The following SLC13A4 variants were observed in gnomAD, a reference collection of about 807,000 sequenced individuals.
The protein encoded by SLC13A4 is solute carrier family 13 member 4, also known as Na(+)/sulfate cotransporter SUT-1.
A neutral mutation model predicts 72.7 loss-of-function variants in SLC13A4; 28 were observed. The ratio of observed to expected loss-of-function variants is 0.39; its 90% CI spans 0.29 to 0.53. The LOEUF is 0.53. Ranked by LOEUF, SLC13A4 falls within the 20% of genes least tolerant of loss-of-function variation. The probability of loss-of-function intolerance (pLI) is 0.78; values close to 1 mark genes in which losing one functional copy is unlikely to be tolerated. For synonymous variants in SLC13A4, 312 were observed against 325.5 expected (o/e 0.96, Z 0.45); for missense variants, 653 against 788.0 (o/e 0.83, Z 2.05).
Position 135,685,586 on chromosome 7 carries a change from A to T in SLC13A4, c.1544T>A (p.Ile515Asn). The T allele has an allele frequency of 6.2e-7, 1 of 1,614,220 alleles. No homozygotes were observed. The highest frequency in any genetic ancestry group is 8.5e-7 in the Non-Finnish European group (1 of 1,180,020). The change falls in exon 14 of 16, where the codon ATT becomes AAT. Residue 515 changes from isoleucine to asparagine, a missense_variant. Coordinates refer to ENST00000682651, the MANE Select transcript of SLC13A4 (RefSeq NM_001318192.2). ...TGGGTTGCTCACAAACTCAGTGACA[A>T]TGGACACGAGGATGCATGCCAGCAG... Reference protein sequence around the residue: ...VTLLACILVSIVTEFVSNPAT... With the variant: ...VTLLACILVSNVTEFVSNPAT...
Position 135,684,147 on chromosome 7 carries a change from C to A in SLC13A4, c.1723G>T (p.Gly575Trp). 1 of 1,611,344 alleles carries A rather than the reference C, an allele frequency of 6.2e-7. No individual in the cohort carries two copies. The highest frequency in any genetic ancestry group is 1.1e-5 in the South Asian group (1 of 90,546). ...ACCATATCTTTGATCTGGCAGTGCCCATAGCTGAAGACGATGGCATTAGGG... is the reference window on the plus strand; with the variant it reads ...ACCATATCTTTGATCTGGCAGTGCCAATAGCTGAAGACGATGGCATTAGGG... ...NPPNAIVFSY[G>W]HCQIKDMVKA... Residue 575 changes from glycine (G) to tryptophan (W), a missense_variant, in exon 15 of 16, where the codon GGG becomes TGG. Physicochemically the swap from Gly to Trp is radical, Grantham distance 184. Transcript: ENST00000682651.
At chr7:135,705,283 G>T (rs1382821659) in intron 5 of SLC13A4, 2 of 305,900 alleles carry the variant, frequency 6.5e-6, no homozygotes, top group African/African-American at 4.2e-5. Context: ...AAAGGGACAT[G>T]AATTTAGAAG....
Position 135,726,048 on chromosome 7 carries a change from G to A in SLC13A4, c.99+1350C>T, listed in dbSNP as rs551441082. ...GGCACCTAGTCTGTGCCTTCTGTGG[G>A]CAGTGGCCAAGGTCCCCAAAGATGG... On this transcript the variant is annotated intron_variant, in intron 1 of 15. Coordinates refer to ENST00000682651, the MANE Select transcript of SLC13A4 (RefSeq NM_001318192.2). Among the ~76,000 whole-genome samples, 17 of 152,282 alleles carry A rather than the reference G, an allele frequency of 1.1e-4. No homozygotes were observed. In the South Asian group the frequency reaches 3.5e-3, roughly 32 times the overall value.
At position 135,695,503 on chromosome 7, in the gene SLC13A4, C is replaced by G; in HGVS notation, c.900-16G>C. 1 of 1,612,260 alleles carries G rather than the reference C, an allele frequency of 6.2e-7. No homozygotes were observed. The highest frequency in any genetic ancestry group is 8.5e-7 in the Non-Finnish European group (1 of 1,179,036). ...TGGATACTGGCTGGAGGGTAAAGAACCAGGTCAGCAATTAGAAAGGGAGGG... is the reference window on the plus strand; with the variant it reads ...TGGATACTGGCTGGAGGGTAAAGAAGCAGGTCAGCAATTAGAAAGGGAGGG... On this transcript the variant is annotated splice_polypyrimidine_tract_variant and intron_variant, in intron 8 of 15. Transcript: ENST00000682651.
At chr7:135,703,857 G>C (rs913840100) in intron 5 of SLC13A4, 2 of 152,306 alleles carry the variant, frequency 1.3e-5, no homozygotes, top group Non-Finnish European at 2.9e-5. Context: ...TAGCCTGGGA[G>C]GAGAATGTGC....
At chr7:135,718,527 G>C (rs1202718905) in intron 2 of SLC13A4, among the ~76,000 whole-genome samples, 1 of 151,862 alleles carries the variant, frequency 6.6e-6, no homozygotes, top group Non-Finnish European at 1.5e-5. Context: ...GGTGGGGAGA[G>C]CACATGTCTA....
At chr7:135,707,982 T>G (rs1796206460) in intron 3 of SLC13A4, 132 bp downstream of exon 3, 4 of 1,117,250 alleles carry the variant, frequency 3.6e-6, no homozygotes, top group Non-Finnish European at 5.2e-6. Flanking sequence ...CCTATGGCTC[T>G]GGTGTCAGCC....
intron 8 of SLC13A4, among the ~76,000 whole-genome samples, chr7:135,698,634 C>CTTT (rs35575379): frequency 9.3e-6 from 1 of 107,370 alleles, no homozygotes; most frequent in South Asian, 2.9e-4. Context: ...CGTGCTGGGA[C>CTTT]TTTTTTTTTT....
chr7:135,703,525 G>C (rs1044884197), intron 5 of SLC13A4: 4 of 152,810 alleles, frequency 2.6e-5, no homozygotes, highest in African/African-American at 4.8e-5. Context: ...GGAGGGGGAG[G>C]ACTTCTGATC....
At chr7:135,714,199 C>T (rs932850824) in intron 2 of SLC13A4, among the ~76,000 whole-genome samples, 1 of 152,258 alleles carries the variant, frequency 6.6e-6, no homozygotes, top group East Asian at 1.9e-4. Flanking sequence ...CTTAAAAAAA[C>T]ATTCTTTGCA....
chr7:135,681,600 G>A lies in SLC13A4; in HGVS notation c.1847C>T (p.Ala616Val). The change falls in exon 16 of 16, where the codon GCA (alanine) becomes GTA (valine). Residue 616 changes from alanine (A) to valine (V), a missense_variant. Coordinates refer to ENST00000682651, the MANE Select transcript of SLC13A4 (RefSeq NM_001318192.2). ...VSLFHLDTYP[A>V]WARVSNITDQ... ...AGTGATGTTGCTGACCCTCGCCCAT[G>A]CTGGGTAAGTGTCCAGGTGGAAGAG... The A allele has an allele frequency of 1.2e-6, 2 of 1,614,156 alleles. No individual in the cohort carries two copies. Among genetic ancestry groups the A allele is most frequent in the Non-Finnish European group, 1.7e-6 (2 of 1,180,006 alleles).
In SLC13A4 at chr7:135,685,536, T is replaced by G; in HGVS notation, c.1594A>C (p.Ile532Leu). Residue 532 changes from isoleucine (I) to leucine (L), a missense_variant, in exon 14 of 16, where the codon ATC (isoleucine) becomes CTC (leucine). By Grantham distance (5) the Ile-to-Leu change is conservative. Transcript: ENST00000682651. Reference protein sequence around the residue: ...NPATITIFLPILCSLSETLHI... With the variant: ...NPATITIFLPLLCSLSETLHI... ...GCATTACTCACCAGGCTGCACAGGA[T>G]GGGCAGGAAGATGGTGATGGTTGCT... 1 of 1,614,158 alleles carries G rather than the reference T, an allele frequency of 6.2e-7. No individual in the cohort carries two copies. The highest frequency in any genetic ancestry group is 8.5e-7 in the Non-Finnish European group (1 of 1,180,014).
intron 13 of SLC13A4, among the ~76,000 whole-genome samples, chr7:135,688,338 C>T (rs1369897059): frequency 6.6e-6 from 1 of 151,988 alleles, no homozygotes; most frequent in Non-Finnish European, 1.5e-5. Flanking sequence ...CTCACTGCAA[C>T]CTCCTCCTCC....
chr7:135,722,760 G>T (rs1018559782), intron 1 of SLC13A4, among the ~76,000 whole-genome samples: 1 of 152,028 alleles, frequency 6.6e-6, no homozygotes, highest in Non-Finnish European at 1.5e-5. Context: ...TGGATCTGAG[G>T]TCCTACCATG....
chr7:135,705,513 G>T, intron 5 of SLC13A4, 83 bp downstream of exon 5: 1 of 1,330,304 alleles, frequency 7.5e-7, no homozygotes, highest in Non-Finnish European at 1.1e-6. Context: ...TCAAAGAGCT[G>T]TTTATGGGTC....
chr7:135,691,800 C>T (rs1795793971), intron 11 of SLC13A4, 155 bp from the exon 12 acceptor site: 1 of 584,048 alleles, frequency 1.7e-6, no homozygotes. Flanking sequence ...GCCACGCTAT[C>T]CACTTTGGAT....
At chr7:135,711,963 A>ATTTTTTTTTTTTTTTTTTTT (rs529940903) in intron 2 of SLC13A4, among the ~76,000 whole-genome samples, 2 of 46,900 alleles carry the variant, frequency 4.3e-5, no homozygotes, top group Non-Finnish European at 8.0e-5. Context: ...ATGTTTTTGG[A>ATTTTTTTTTTTTTTTTTTTT]TTTTTTTTTT....
At chr7:135,709,427 A>ATTTT (rs1563166240) in intron 2 of SLC13A4, among the ~76,000 whole-genome samples, 9 of 22,684 alleles carry the variant, frequency 4.0e-4, no homozygotes, top group African/African-American at 1.6e-3. Context: ...TTTTTTTTTA[A>ATTTT]AAAAAAATTT....
chr7:135,705,946 T>C (rs927392651), intron 4 of SLC13A4, 182 bp downstream of exon 4: 4 of 590,904 alleles, frequency 6.8e-6, no homozygotes, highest in Non-Finnish European at 1.2e-5. Context: ...TCAGGGAAGC[T>C]TCAGAGTCCA....
Sources: gnomAD v4.1 joint callset for allele counts (sites outside exome capture counted in the v4.1 genomes callset) on GRCh38, gnomAD v4.1.1 for gene constraint, MANE v1.5 for transcripts, NCBI Gene and HGNC (gene_info 2026-07-23, HGNC 2026-07-21) for gene names.